ANKS1B: variants seen among roughly 807,000 people sequenced by gnomAD.
ANKS1B encodes the protein ankyrin repeat and sterile alpha motif domain-containing protein 1B.
In ANKS1B, 36 loss-of-function variants were observed where a neutral mutation model predicts 148.3. The observed-to-expected ratio is 0.24, with a 90% CI of 0.19 to 0.32. ANKS1B has a LOEUF of 0.32. Ranked by LOEUF, ANKS1B falls within the 10% of genes least tolerant of loss-of-function variation. The pLI is 1.00. For missense variants in ANKS1B, 1,157 were observed against 1,542.6 expected (o/e 0.75, Z 4.19); for synonymous variants, 542 against 560.8 (o/e 0.97, Z 0.47).
intron 9 of ANKS1B, among the ~76,000 whole-genome samples, chr12:99,509,650 A>G (rs1337619037): frequency 6.6e-6 from 1 of 152,018 alleles, no homozygotes; most frequent in African/African-American, 2.4e-5. Flanking sequence ...AACTATCTCC[A>G]TAACATAAAA....
At chr12:99,071,056 G>A (rs971119603) in intron 16 of ANKS1B, among the ~76,000 whole-genome samples, 14 of 152,202 alleles carry the variant, frequency 9.2e-5, no homozygotes, top group African/African-American at 3.1e-4. Flanking sequence ...CTGAACAGAA[G>A]AGACCTTCCC....
chr12:99,832,590 G>A (rs1347564974), intron 1 of ANKS1B, among the ~76,000 whole-genome samples: 1 of 151,974 alleles, frequency 6.6e-6, no homozygotes, highest in Non-Finnish European at 1.5e-5. Context: ...CAGGCATGGT[G>A]GTGCATGCCT....
intron 19 of ANKS1B, among the ~76,000 whole-genome samples, chr12:98,816,587 T>C (rs2099143165): frequency 1.3e-5 from 2 of 152,186 alleles, no homozygotes; most frequent in African/African-American, 4.8e-5. Flanking sequence ...CCACTGCACC[T>C]GGCCTTAAGC....
chr12:98,887,015 T>A (rs1035697452), intron 17 of ANKS1B, among the ~76,000 whole-genome samples: 1 of 152,120 alleles, frequency 6.6e-6, no homozygotes, highest in Non-Finnish European at 1.5e-5. Context: ...AAGAACTCAG[T>A]CAGAATGAAG....
intron 9 of ANKS1B, among the ~76,000 whole-genome samples, chr12:99,630,924 G>A (rs780655470): frequency 6.6e-6 from 1 of 152,174 alleles, no homozygotes; most frequent in Non-Finnish European, 1.5e-5. Flanking sequence ...GACCCAGTGG[G>A]AGGTAATTGA....
intron 9 of ANKS1B, among the ~76,000 whole-genome samples, chr12:99,618,962 T>C (rs917296617): frequency 7.2e-5 from 11 of 152,110 alleles, no homozygotes; most frequent in Non-Finnish European, 1.3e-4. Flanking sequence ...TACTCTACCC[T>C]GTCACAACCC....
At chr12:99,333,755 A>T (rs902278545) in intron 12 of ANKS1B, among the ~76,000 whole-genome samples, 1 of 150,594 alleles carries the variant, frequency 6.6e-6, no homozygotes, top group Non-Finnish European at 1.5e-5. Flanking sequence ...CCCTTTTCCC[A>T]TCTCCAGCCC....
intron 1 of ANKS1B, among the ~76,000 whole-genome samples, chr12:99,906,746 T>C (rs938121595): frequency 2.0e-5 from 3 of 152,258 alleles, no homozygotes; most frequent in Non-Finnish European, 4.4e-5. Flanking sequence ...TTTTAAAAAT[T>C]ATATTTTTGT....
At chr12:99,190,796 T>C (rs1377172521) in intron 14 of ANKS1B, among the ~76,000 whole-genome samples, 3 of 152,090 alleles carry the variant, frequency 2.0e-5, no homozygotes, top group Non-Finnish European at 4.4e-5. Flanking sequence ...AAAGACTTCA[T>C]GACTAAAACA....
At chr12:99,433,109 A>C (rs1244123801) in intron 11 of ANKS1B, among the ~76,000 whole-genome samples, 1 of 152,194 alleles carries the variant, frequency 6.6e-6, no homozygotes, top group Middle Eastern at 3.2e-3. Flanking sequence ...CTCATACAAT[A>C]GTGACAGATG....
At chr12:99,706,605 G>T (rs1326731302) in intron 8 of ANKS1B, 1 of 152,028 alleles carries the variant, frequency 6.6e-6, no homozygotes, top group Non-Finnish European at 1.5e-5. Flanking sequence ...CCCCTTGAGT[G>T]GAAGCAGAAC....
At chr12:99,861,727 T>C (rs1231088575) in intron 1 of ANKS1B, among the ~76,000 whole-genome samples, 1 of 152,208 alleles carries the variant, frequency 6.6e-6, no homozygotes, top group African/African-American at 2.4e-5. Flanking sequence ...TGCAAACAAT[T>C]TTGGTTTAAC....
At chr12:99,562,632 T>C (rs1203249449) in intron 9 of ANKS1B, among the ~76,000 whole-genome samples, 1 of 152,178 alleles carries the variant, frequency 6.6e-6, no homozygotes, top group East Asian at 1.9e-4. Flanking sequence ...GAAGCAAATA[T>C]GTCCTTCTTC....
chr12:99,512,274 ACATT>A (rs1282837872), intron 9 of ANKS1B, among the ~76,000 whole-genome samples: 1 of 152,134 alleles, frequency 6.6e-6, no homozygotes, highest in Middle Eastern at 3.2e-3. Flanking sequence ...TCAAAAAAAG[ACATT>A]CATTGTCCAA....
chr12:98,748,708 T>C (rs1379194525), intron 26 of ANKS1B, among the ~76,000 whole-genome samples: 1 of 152,222 alleles, frequency 6.6e-6, no homozygotes, highest in East Asian at 1.9e-4. Context: ...GGGACTGATC[T>C]TGAAGCACAT....
chr12:99,396,249 A>G (rs1262184391), intron 12 of ANKS1B, among the ~76,000 whole-genome samples: 1 of 152,180 alleles, frequency 6.6e-6, no homozygotes, highest in African/African-American at 2.4e-5. Flanking sequence ...GATGGAAAAT[A>G]TCTAGCAAAT....
chr12:99,171,317 A>G lies in ANKS1B; in HGVS notation c.2420-16922T>C, dbSNP rs562779401. On this transcript the variant is annotated intron_variant, in intron 14 of 26. Transcript: ENST00000683438. The stretch of plus-strand genomic sequence containing the variant: ...GGAAAAGAGACAACCCATAAGAACA[A>G]TGCTTCCTCCTGATAAAAGGATAGC... Among the ~76,000 whole-genome samples, 237 of 152,326 alleles carry G rather than the reference A, an allele frequency of 1.6e-3. 2 individuals are homozygous for G. Among genetic ancestry groups the G allele is most frequent in the African/African-American group, 5.5e-3 (229 of 41,578 alleles).
At chr12:99,385,207 GCCTGTAATC>G (rs2093809520) in intron 12 of ANKS1B, among the ~76,000 whole-genome samples, 1 of 151,530 alleles carries the variant, frequency 6.6e-6, no homozygotes, top group Admixed American at 6.6e-5. Flanking sequence ...AGTGGCTCAC[GCCTGTAATC>G]GCACCACTTT....
chr12:99,163,465 C>T (rs2076882304), intron 14 of ANKS1B, among the ~76,000 whole-genome samples: 1 of 87,060 alleles, frequency 1.1e-5, no homozygotes, highest in Non-Finnish European at 2.3e-5. Context: ...TTTACATGCA[C>T]TCTGTGTGTG....
Sources: allele counts gnomAD v4.1 joint callset (sites outside exome capture counted in the v4.1 genomes callset), GRCh38; gene constraint gnomAD v4.1.1; transcripts MANE v1.5; gene names NCBI Gene and HGNC (gene_info 2026-07-23, HGNC 2026-07-21).